The following NFS1 variants were observed in gnomAD, a reference collection of about 807,000 sequenced individuals.
NFS1 encodes cysteine desulfurase.
NFS1 carries 26 observed loss-of-function variants against 57.3 expected under a neutral mutation model. The ratio of observed to expected loss-of-function variants is 0.45; its 90% CI spans 0.33 to 0.63. The LOEUF (loss-of-function observed/expected upper bound fraction) is 0.63. Ranked by LOEUF, NFS1 falls within the 20% of genes least tolerant of loss-of-function variation. NFS1 has a pLI of 0.02. For missense variants in NFS1, 505 were observed against 605.8 expected (o/e 0.83, Z 1.75); for synonymous variants, 209 against 216.3 (o/e 0.97, Z 0.30).
At chr20:35,690,821 C>T (rs148999747) in intron 4 of NFS1, among the ~76,000 whole-genome samples, 1 of 152,310 alleles carries the variant, frequency 6.6e-6, no homozygotes, top group African/African-American at 2.4e-5. Context: ...TCTCAAGCTA[C>T]CCATACTTCT....
At chr20:35,673,880 C>A (rs772071920) in intron 10 of NFS1, 196 bp from the exon 11 acceptor site, 2 of 522,292 alleles carry the variant, frequency 3.8e-6, no homozygotes, top group Non-Finnish European at 6.9e-6. Context: ...GCTCCTCTGG[C>A]CCCCATGGTG....
At chr20:35,674,644 G>A in intron 8 of NFS1, 27 bp from the exon 9 acceptor site, 6 of 1,562,822 alleles carry the variant, frequency 3.8e-6, no homozygotes, top group Non-Finnish European at 5.3e-6. Context: ...GAAGGATTAG[G>A]CAGTAACCAT....
At chr20:35,679,229 T>C (rs1263404108) in intron 7 of NFS1, among the ~76,000 whole-genome samples, 1 of 152,194 alleles carries the variant, frequency 6.6e-6, no homozygotes, top group Non-Finnish European at 1.5e-5. Flanking sequence ...GTCTCGCCTG[T>C]CGCCCAGGCA....
Position 35,675,140 on chromosome 20 carries a change from CT to C in NFS1, c.852del (p.Gln287ArgfsTer14). On this transcript the variant is annotated frameshift_variant, in exon 8 of 13. Coordinates refer to ENST00000374092, the MANE Select transcript of NFS1 (RefSeq NM_021100.5). LOFTEE classifies it high-confidence loss of function. ...GACCGCATACCCCGCTCCTGCCCCC[CT>C]CCACTCTGCAGGGCCTCCACACGCA... ...PRVRVEALQS[G>X]GGQERGMRSG... 6.2e-7 allele frequency: 1 copy of C among 1,613,832 alleles called. No homozygotes were observed. Among genetic ancestry groups the C allele is most frequent in the East Asian group, 2.2e-5 (1 of 44,892 alleles).
In NFS1 at chr20:35,699,347, G is replaced by A; in HGVS notation, c.-59C>T. ...CTGCAGTCCTGGGCCCCAGGCTCCC[G>A]GAAGTGCTGCCCGGCGCTCCGGAAG... On this transcript the variant is annotated 5_prime_UTR_variant, in exon 1 of 13. Transcript: ENST00000374092. This position sits in a 1 kb window ranked among gnomAD's most constrained non-coding sequence, Gnocchi z 4.4. The A allele has an allele frequency of 7.3e-7, 1 of 1,376,766 alleles. No homozygotes were observed. Among genetic ancestry groups the A allele is most frequent in the Non-Finnish European group, 9.4e-7 (1 of 1,060,822 alleles). The allele number at this position is 1,376,766 out of a possible 1,614,324, so 85.3% of individuals were successfully genotyped here. A position where few individuals can be genotyped will look rare whatever the true frequency, so the allele number is the denominator to read the frequency against.
intron 7 of NFS1, among the ~76,000 whole-genome samples, chr20:35,676,496 G>A (rs943962678): frequency 2.6e-5 from 4 of 151,802 alleles, no homozygotes; most frequent in African/African-American, 9.7e-5. Flanking sequence ...TGAGGCAGGA[G>A]AATCGCCTGA....
At chr20:35,690,302 CCTAA>C (rs2146433098) in intron 5 of NFS1, 107 bp downstream of exon 5, 1 of 1,037,816 alleles carries the variant, frequency 9.6e-7, no homozygotes, top group Non-Finnish European at 1.4e-6. Context: ...TAAACTTCAT[CCTAA>C]CTGTTAGATC....
chr20:35,668,992 G>C lies in NFS1; in HGVS notation c.*630C>G, dbSNP rs2034609562. 6.6e-6 allele frequency: 1 copy of C among 152,136 alleles called. No homozygotes were observed. The highest frequency in any genetic ancestry group is 1.9e-4 in the East Asian group (1 of 5,202). The allele number at this position is 152,136 out of a possible 1,614,324, so 9.4% of individuals were successfully genotyped here. The stretch of plus-strand genomic sequence containing the variant: ...AATAGAAGGTGAGTTTATTTCTCCA[G>C]TCTTGAAATTAACAATTTTCAAGAA... On this transcript the variant is annotated 3_prime_UTR_variant, in exon 13 of 13. Transcript: ENST00000374092.
chr20:35,680,718 C>T lies in NFS1; in HGVS notation c.790+19G>A. 6.7e-7 allele frequency: 1 copy of T among 1,492,558 alleles called. No homozygotes were observed. Among genetic ancestry groups the T allele is most frequent in the Non-Finnish European group, 8.9e-7 (1 of 1,119,638 alleles). 92.5% of individuals were successfully genotyped at this position (1,492,558 alleles called of 1,614,324 possible). ...TGCTGGAAGGTACAGAGAGAAGGAA[C>T]TCTAGAAGGGGCTGGTACCTTTGGG... On this transcript the variant is annotated intron_variant, in intron 7 of 12. Transcript: ENST00000374092.
chr20:35,674,747 G>T, intron 8 of NFS1, 130 bp from the exon 9 acceptor site: 2 of 758,740 alleles, frequency 2.6e-6, no homozygotes, highest in Non-Finnish European at 4.4e-6. Context: ...GTACTCATGG[G>T]GACCACTGTA....
Position 35,671,353 on chromosome 20 carries a change from G to A in NFS1, c.1310+1402C>T, listed in dbSNP as rs1251298550. On this transcript the variant is annotated intron_variant, in intron 12 of 12. Coordinates refer to ENST00000374092, the MANE Select transcript of NFS1 (RefSeq NM_021100.5). The stretch of plus-strand genomic sequence containing the variant: ...CCTGACCTCATGATCCGCTCACCTC[G>A]GCCTCCCGAAGTGCTGGGATTACAG... 8.5e-5 allele frequency among the ~76,000 whole-genome samples: 13 copies of A among 152,082 alleles called. 1 individual carries two copies. Among genetic ancestry groups the A allele is most frequent in the East Asian group, 1.9e-4 (1 of 5,176 alleles).
Position 35,669,433 on chromosome 20 carries a change from C to G in NFS1, c.*189G>C. On this transcript the variant is annotated 3_prime_UTR_variant, in exon 13 of 13. Transcript: ENST00000374092. ...GACCCGAGAAGAAATGGGGAGTGCT[C>G]CACACCCAAGGAACTGAAGCTAGGG... 1 of 588,264 alleles carries G rather than the reference C, an allele frequency of 1.7e-6. No homozygotes were observed. Among genetic ancestry groups the G allele is most frequent in the South Asian group, 2.2e-5 (1 of 45,494 alleles). The allele number at this position is 588,264 out of a possible 1,614,324, so 36.4% of individuals were successfully genotyped here.
At chr20:35,689,403 T>A (rs372886835) in intron 5 of NFS1, among the ~76,000 whole-genome samples, 1 of 152,016 alleles carries the variant, frequency 6.6e-6, no homozygotes, top group Non-Finnish European at 1.5e-5. Flanking sequence ...GGCAGGTGGA[T>A]CACGAGGTCA....
At chr20:35,686,133 G>A (rs1318501866) in intron 5 of NFS1, among the ~76,000 whole-genome samples, 3 of 151,488 alleles carry the variant, frequency 2.0e-5, no homozygotes, top group African/African-American at 4.8e-5. Flanking sequence ...GTTTCACCAT[G>A]TTGGCCAGGC....
intron 5 of NFS1, among the ~76,000 whole-genome samples, chr20:35,685,863 C>A (rs1285849195): frequency 7.3e-6 from 1 of 137,400 alleles, no homozygotes; most frequent in African/African-American, 2.8e-5. Flanking sequence ...AGTACCCCCC[C>A]GCAAAAAAAA....
chr20:35,685,658 A>G (rs1359335572), intron 5 of NFS1, among the ~76,000 whole-genome samples: 1 of 149,184 alleles, frequency 6.7e-6, no homozygotes, highest in East Asian at 2.0e-4. Context: ...CAGGCACTTG[A>G]GACCAGCCTG....
In NFS1 at chr20:35,674,616, T is replaced by C. The variant is rs141684225; in HGVS notation, c.950A>G (p.Tyr317Cys). Residue 317 changes from tyrosine (Y) to cysteine (C), a missense_variant and splice_region_variant, in exon 9 of 13, where the codon TAT (tyrosine) becomes TGT (cysteine). Physicochemically the swap from Tyr to Cys is radical, Grantham distance 194 (BLOSUM62 -2). Coordinates refer to ENST00000374092, the MANE Select transcript of NFS1 (RefSeq NM_021100.5). Reference sequence around the variant, plus strand: ...CAACTTTGAGATTCGCTTGTGGTCATACTAAGGAGCAGGCAAGGAAGGATT... The same window carrying C: ...CAACTTTGAGATTCGCTTGTGGTCACACTAAGGAGCAGGCAAGGAAGGATT... ...ACEVAQQEME[Y>C]DHKRISKLSE... 51 of 1,612,776 alleles carry C rather than the reference T, an allele frequency of 3.2e-5. No individual in the cohort carries two copies. In the African/African-American group the frequency reaches 6.4e-4, roughly 20 times the overall value.
rs1473777517 is a variant in NFS1, at chr20:35,673,584, C to T, written c.1220+17G>A. 16 of 1,606,074 alleles carry T rather than the reference C, an allele frequency of 1.0e-5. No individual in the cohort carries two copies. Among genetic ancestry groups the T allele is most frequent in the Non-Finnish European group, 1.4e-5 (16 of 1,173,702 alleles). ...AAGAGGATGCCTTTCATAAATGTTG[C>T]AGCTCAACTCACTGACCTGATAGAA... On this transcript the variant is annotated intron_variant, in intron 11 of 12. Transcript: ENST00000374092.
At chr20:35,695,337 C>T (rs1358897326) in intron 4 of NFS1, among the ~76,000 whole-genome samples, 1 of 152,104 alleles carries the variant, frequency 6.6e-6, no homozygotes, top group Non-Finnish European at 1.5e-5. Context: ...TCAAAGAAAC[C>T]AACACTGGCA....
Sources: allele counts gnomAD v4.1 joint callset (sites outside exome capture counted in the v4.1 genomes callset), GRCh38; gene constraint gnomAD v4.1.1; non-coding constraint Gnocchi (gnomAD v3.1); transcripts MANE v1.5; gene names NCBI Gene and HGNC (gene_info 2026-07-23, HGNC 2026-07-21).